The following LRRC7 variants were observed in gnomAD, a reference collection of about 807,000 sequenced individuals.
LRRC7 encodes the protein leucine rich repeat containing 7.
In LRRC7, 23 loss-of-function variants were observed where a neutral mutation model predicts 175.7. The ratio of observed to expected loss-of-function variants is 0.13; its 90% CI spans 0.09 to 0.19. LRRC7 has a LOEUF of 0.19. LRRC7 is among the 10% of genes least tolerant of loss of function. The pLI, the probability that LRRC7 is intolerant of heterozygous loss-of-function variation, is 1.00. For missense variants in LRRC7, 1,354 were observed against 1,904.7 expected (o/e 0.71, Z 5.38); for synonymous variants, 685 against 680.9 (o/e 1.01, Z -0.09).
intron 1 of LRRC7, among the ~76,000 whole-genome samples, chr1:69,667,660 T>C (rs534554405): frequency 3.9e-5 from 6 of 152,192 alleles, no homozygotes; most frequent in Non-Finnish European, 8.8e-5. Context: ...TGGAATATCT[T>C]TTTTCTGTCC....
At chr1:69,577,318 AATAG>A (rs1486771755) in intron 1 of LRRC7, among the ~76,000 whole-genome samples, 1 of 152,192 alleles carries the variant, frequency 6.6e-6, no homozygotes, top group Non-Finnish European at 1.5e-5. Flanking sequence ...ATGTGTGAAA[AATAG>A]ATAGAAATGC....
At chr1:69,961,397 G>A (rs1197034114) in intron 8 of LRRC7, among the ~76,000 whole-genome samples, 2 of 152,070 alleles carry the variant, frequency 1.3e-5, no homozygotes, top group East Asian at 1.9e-4. Context: ...CACTAAAATG[G>A]CCACACTGCC....
intron 3 of LRRC7, among the ~76,000 whole-genome samples, chr1:69,771,898 A>G (rs1007552398): frequency 6.6e-6 from 1 of 152,162 alleles, no homozygotes; most frequent in East Asian, 1.9e-4. Context: ...AGGATGGCAG[A>G]TCACCTGAAG....
Position 69,788,896 on chromosome 1 carries a change from A to G in LRRC7, c.304-3147A>G, listed in dbSNP as rs78371129. Among the ~76,000 whole-genome samples the G allele has an allele frequency of 6.0e-3, 917 of 152,298 alleles. 8 individuals carry two copies. Among genetic ancestry groups the G allele is most frequent in the African/African-American group, 0.021 (878 of 41,554 alleles). ...TAATGCCTGAACATGAAAATATATT[A>G]ATGTCTGAATATTAAAGTATAAAGA... On this transcript the variant is annotated intron_variant, in intron 3 of 26. Transcript: ENST00000651989.
intron 7 of LRRC7, among the ~76,000 whole-genome samples, chr1:69,894,661 C>T (rs1645927909): frequency 6.6e-6 from 1 of 152,080 alleles, no homozygotes; most frequent in Admixed American, 6.6e-5. Context: ...TATTAATCAG[C>T]CTTTAAAAAG....
intron 23 of LRRC7, among the ~76,000 whole-genome samples, chr1:70,070,430 C>T (rs1344527518): frequency 6.6e-6 from 1 of 152,200 alleles, no homozygotes; most frequent in Non-Finnish European, 1.5e-5. Flanking sequence ...TCTTTGTCCT[C>T]TCAGTATGAG....
At position 69,748,115 on chromosome 1, in the gene LRRC7, G is replaced by C. The variant is rs922522569; in HGVS notation, c.101-12076G>C. The stretch of plus-strand genomic sequence containing the variant: ...AAAAGATTATCACAACAAAACCCTG[G>C]TTATTTAGTTGAGTCTCAGAATTGT... On this transcript the variant is annotated intron_variant, in intron 2 of 26. Coordinates refer to ENST00000651989, the MANE Select transcript of LRRC7 (RefSeq NM_001370785.2). 5.3e-5 allele frequency among the ~76,000 whole-genome samples: 8 copies of C among 152,114 alleles called. No individual in the cohort carries two copies. The South Asian group carries it at 1.0e-3, about 20-fold the overall frequency.
At chr1:69,661,123 G>A (rs1657403506) in intron 1 of LRRC7, among the ~76,000 whole-genome samples, 1 of 151,926 alleles carries the variant, frequency 6.6e-6, no homozygotes, top group South Asian at 2.1e-4. Flanking sequence ...ATGTCCCAGA[G>A]ATGTGATACT....
At chr1:70,101,757 T>A (rs1364281908) in intron 25 of LRRC7, among the ~76,000 whole-genome samples, 1 of 152,194 alleles carries the variant, frequency 6.6e-6, no homozygotes, top group Admixed American at 6.5e-5. Flanking sequence ...TTAATAGTTT[T>A]TAAATGAGGT....
chr1:69,960,595 G>GTT (rs796693354), intron 8 of LRRC7, among the ~76,000 whole-genome samples: 10 of 141,074 alleles, frequency 7.1e-5, no homozygotes, highest in African/African-American at 1.6e-4. Context: ...AATCTTTCTA[G>GTT]TTTTTTTTTT....
At chr1:69,696,820 A>C (rs976945930) in intron 2 of LRRC7, among the ~76,000 whole-genome samples, 3 of 152,176 alleles carry the variant, frequency 2.0e-5, no homozygotes, top group African/African-American at 7.2e-5. Context: ...TCTGCCATGA[A>C]TTTATAAGCT....
chr1:70,044,004 A>C lies in LRRC7; in HGVS notation c.4020A>C (p.Gly1340=), dbSNP rs773869016. 6.8e-6 allele frequency: 11 copies of C among 1,613,502 alleles called. No homozygotes were observed. Among genetic ancestry groups the C allele is most frequent in the Non-Finnish European group, 9.3e-6 (11 of 1,179,576 alleles). Reference sequence around the variant, plus strand: ...TTAACCTTGGCATGCTGCCCTATGGAGGTATTTCAGCAATGCATGCAGGCA... The same window carrying C: ...TTAACCTTGGCATGCTGCCCTATGGCGGTATTTCAGCAATGCATGCAGGCA... ...NTVNLGMLPY[G]GISAMHAGRS... is the part of the protein sequence containing the mutation. The change falls in exon 22 of 27, where the codon GGA becomes GGC. Residue 1340 remains glycine, a synonymous_variant. Coordinates refer to ENST00000651989, the MANE Select transcript of LRRC7 (RefSeq NM_001370785.2).
chr1:69,699,876 A>C (rs1460800702), intron 2 of LRRC7, among the ~76,000 whole-genome samples: 1 of 152,164 alleles, frequency 6.6e-6, no homozygotes, highest in Non-Finnish European at 1.5e-5. Flanking sequence ...AGTGTGAGCC[A>C]AGCACCAGTC....
At chr1:69,865,469 C>CTTTTTTTTTTTTTTTTGTTTTTTTTTT (rs1684823666) in intron 7 of LRRC7, among the ~76,000 whole-genome samples, 1 of 51,262 alleles carries the variant, frequency 2.0e-5, no homozygotes, top group Non-Finnish European at 3.4e-5. Flanking sequence ...AAGACAGTTC[C>CTTTTTTTTTTTTTTTTGTTTTTTTTTT]TTTTTTTTTT....
intron 8 of LRRC7, among the ~76,000 whole-genome samples, chr1:69,942,611 C>T (rs892301957): frequency 5.3e-5 from 8 of 152,096 alleles, no homozygotes; most frequent in Non-Finnish European, 1.0e-4. Flanking sequence ...GCATTCCTTA[C>T]GTGGCCCCTT....
chr1:69,590,457 A>T (rs1361761482), intron 1 of LRRC7, among the ~76,000 whole-genome samples: 1 of 152,102 alleles, frequency 6.6e-6, no homozygotes, highest in Non-Finnish European at 1.5e-5. Context: ...GGATCAGCAA[A>T]ATCTAATAAT....
Position 69,906,186 on chromosome 1 carries a change from A to AT in LRRC7, c.648-25315dup, listed in dbSNP as rs761855288. Among the ~76,000 whole-genome samples the AT allele has an allele frequency of 1.8e-4, 28 of 151,706 alleles. No individual in the cohort carries two copies. The East Asian group carries it at 4.5e-3, about 24-fold the overall frequency. ...CTTTGTCAGATGAGTAGGTTGCAAA[A>AT]TTTTTTCTCCCATTTTGTGGGTTGC... On this transcript the variant is annotated intron_variant, in intron 7 of 26. Coordinates refer to ENST00000651989, the MANE Select transcript of LRRC7 (RefSeq NM_001370785.2).
At chr1:69,800,293 T>A (rs1676315297) in intron 4 of LRRC7, among the ~76,000 whole-genome samples, 1 of 151,952 alleles carries the variant, frequency 6.6e-6, no homozygotes, top group Non-Finnish European at 1.5e-5. Context: ...GCATGCATAT[T>A]TTCATGTGGA....
At chr1:69,644,890 T>G (rs1336429376) in intron 1 of LRRC7, among the ~76,000 whole-genome samples, 2 of 151,964 alleles carry the variant, frequency 1.3e-5, no homozygotes, top group African/African-American at 4.8e-5. Context: ...ACCATCAAAA[T>G]AAATGCAGAA....
Sources: gnomAD v4.1 joint callset for allele counts (sites outside exome capture counted in the v4.1 genomes callset) on GRCh38, gnomAD v4.1.1 for gene constraint, MANE v1.5 for transcripts, NCBI Gene and HGNC (gene_info 2026-07-23, HGNC 2026-07-21) for gene names.